Variants in MGAT4C observed in about 807,000 individuals in gnomAD.
MGAT4C encodes the protein alpha-1,3-mannosyl-glycoprotein 4-beta-N-acetylglucosaminyltransferase C.
Under a neutral mutation model 40.1 loss-of-function variants are expected in MGAT4C, and 19 were observed. That is an observed-to-expected ratio of 0.47 (90% confidence interval 0.33 to 0.70). The LOEUF is 0.70. Ranked by LOEUF, MGAT4C falls within the 30% of genes least tolerant of loss-of-function variation. MGAT4C has a pLI of 0.02. For missense variants in MGAT4C, 491 were observed against 563.2 expected, an observed-to-expected ratio of 0.87 and a Z score of 1.30; for synonymous variants, 181 against 187.1, an observed-to-expected ratio of 0.97 and a Z score of 0.27.
At chr12:86,502,674 C>A (rs1194506080) in intron 2 of MGAT4C, among the ~76,000 whole-genome samples, 1 of 145,648 alleles carries the variant, frequency 6.9e-6, no homozygotes, top group African/African-American at 2.5e-5. Flanking sequence ...CATATATATA[C>A]ACGAGTTCTG....
intron 3 of MGAT4C, among the ~76,000 whole-genome samples, chr12:86,364,724 GT>G (rs1412026621): frequency 3.4e-5 from 5 of 146,654 alleles, no homozygotes; most frequent in Admixed American, 1.4e-4. Context: ...GACATCACAT[GT>G]TGGCAGGTTC....
chr12:86,032,535 T>C (rs939528490), intron 2 of MGAT4C, among the ~76,000 whole-genome samples: 2 of 149,976 alleles, frequency 1.3e-5, no homozygotes, highest in African/African-American at 4.8e-5. Context: ...CATTTTTTCA[T>C]ATGTTTGTTG....
chr12:86,684,018 C>A (rs1659725615), intron 2 of MGAT4C, among the ~76,000 whole-genome samples: 1 of 151,880 alleles, frequency 6.6e-6, no homozygotes, highest in Admixed American at 6.6e-5. Flanking sequence ...TATTTTTAAA[C>A]AATTTCCTAA....
intron 4 of MGAT4C, among the ~76,000 whole-genome samples, chr12:86,287,023 T>C (rs1953369109): frequency 6.6e-6 from 1 of 152,204 alleles, no homozygotes; most frequent in African/African-American, 2.4e-5. Flanking sequence ...ATATCTTTGC[T>C]ATTGTGAATA....
At chr12:86,480,720 A>T (rs1445925285) in intron 2 of MGAT4C, among the ~76,000 whole-genome samples, 1 of 151,798 alleles carries the variant, frequency 6.6e-6, no homozygotes, top group African/African-American at 2.4e-5. Context: ...AGTTTTTATA[A>T]AAACACATAT....
intron 1 of MGAT4C, among the ~76,000 whole-genome samples, chr12:86,748,019 C>T (rs1287081407): frequency 6.6e-6 from 1 of 151,494 alleles, no homozygotes; most frequent in Non-Finnish European, 1.5e-5. Context: ...AATTTATAAG[C>T]AATTAGGAAC....
At chr12:86,532,244 C>G (rs1958998199) in intron 2 of MGAT4C, among the ~76,000 whole-genome samples, 2 of 151,900 alleles carry the variant, frequency 1.3e-5, no homozygotes, top group African/African-American at 4.8e-5. Flanking sequence ...TCTGTGGATT[C>G]ATACATATAA....
intron 1 of MGAT4C, among the ~76,000 whole-genome samples, chr12:86,214,577 C>T (rs1301929187): frequency 6.6e-6 from 1 of 152,096 alleles, no homozygotes; most frequent in East Asian, 1.9e-4. Context: ...GAGATCCCTC[C>T]TCTTGGTTTG....
chr12:86,658,032 A>C (rs891628068), intron 2 of MGAT4C, among the ~76,000 whole-genome samples: 2 of 152,018 alleles, frequency 1.3e-5, no homozygotes, highest in African/African-American at 4.8e-5. Flanking sequence ...GTTGGAAAGC[A>C]ACATACTTAG....
At chr12:86,569,271 T>C (rs1354152085) in intron 2 of MGAT4C, among the ~76,000 whole-genome samples, 2 of 152,032 alleles carry the variant, frequency 1.3e-5, no homozygotes, top group Non-Finnish European at 2.9e-5. Flanking sequence ...GAGAAAATAT[T>C]TGCAAAGTAT....
intron 2 of MGAT4C, among the ~76,000 whole-genome samples, chr12:86,618,228 G>A (rs1962520664): frequency 6.6e-6 from 1 of 152,140 alleles, no homozygotes; most frequent in African/African-American, 2.4e-5. Context: ...CTGTTAGTGG[G>A]AATGAAAATT....
intron 2 of MGAT4C, among the ~76,000 whole-genome samples, chr12:86,442,388 C>T (rs572079517): frequency 1.2e-4 from 18 of 152,256 alleles, no homozygotes; most frequent in Admixed American, 9.2e-4. Context: ...GTTGCCATCG[C>T]TTTTGGTGTT....
intron 2 of MGAT4C, among the ~76,000 whole-genome samples, chr12:86,526,289 G>A (rs533870617): frequency 6.6e-6 from 1 of 152,210 alleles, no homozygotes; most frequent in South Asian, 2.1e-4. Context: ...GTTGGTAGGG[G>A]GAGGAGGGTT....
chr12:86,597,523 T>C (rs550923614), intron 2 of MGAT4C, among the ~76,000 whole-genome samples: 1 of 152,344 alleles, frequency 6.6e-6, no homozygotes, highest in East Asian at 1.9e-4. Context: ...GTAGACTCTG[T>C]TAAAAGATTA....
intron 1 of MGAT4C, among the ~76,000 whole-genome samples, chr12:86,082,233 G>T (rs904525162): frequency 7.9e-5 from 12 of 152,156 alleles, no homozygotes; most frequent in Non-Finnish European, 1.6e-4. Context: ...CAGTCTAGAT[G>T]ACCTTAAGTG....
At chr12:86,651,014 A>G (rs1318340911) in intron 2 of MGAT4C, among the ~76,000 whole-genome samples, 1 of 151,952 alleles carries the variant, frequency 6.6e-6, no homozygotes, top group Admixed American at 6.6e-5. Flanking sequence ...CACTTAAAAA[A>G]GGGCTTTAAA....
At chr12:86,416,243 A>G (rs966796434) in intron 3 of MGAT4C, among the ~76,000 whole-genome samples, 2 of 152,062 alleles carry the variant, frequency 1.3e-5, no homozygotes, top group African/African-American at 4.8e-5. Flanking sequence ...TCTGGCTGAG[A>G]TGGAAAAAAT....
chr12:86,273,449 A>G (rs987912347), intron 4 of MGAT4C, among the ~76,000 whole-genome samples: 3 of 152,206 alleles, frequency 2.0e-5, no homozygotes, highest in African/African-American at 7.2e-5. Context: ...GTTTATGGCA[A>G]AATGATTGAA....
At chr12:86,423,222 G>T (rs985286892) in intron 3 of MGAT4C, among the ~76,000 whole-genome samples, 13 of 151,906 alleles carry the variant, frequency 8.6e-5, no homozygotes, top group African/African-American at 2.9e-4. Context: ...AAACTTTATG[G>T]ATTTCACATA....
Sources: allele counts gnomAD v4.1 joint callset (sites outside exome capture counted in the v4.1 genomes callset), GRCh38; gene constraint gnomAD v4.1.1; transcripts MANE v1.5; gene names NCBI Gene and HGNC (gene_info 2026-07-23, HGNC 2026-07-21).